Variants in PDE4D observed in about 807,000 individuals in gnomAD.
The protein encoded by PDE4D is 3',5'-cyclic-AMP phosphodiesterase 4D.
In PDE4D, 24 loss-of-function variants were observed where a neutral mutation model predicts 87.4. The observed-to-expected ratio is 0.27, with a 90% CI of 0.20 to 0.39. The LOEUF is 0.39. PDE4D is among the 10% of genes least tolerant of loss of function. The pLI is 1.00. For missense variants in PDE4D, 714 were observed against 1,041.0 expected, an observed-to-expected ratio of 0.69 and a Z score of 4.32; for synonymous variants, 384 against 383.2, an observed-to-expected ratio of 1.00 and a Z score of -0.02.
intron 1 of PDE4D, among the ~76,000 whole-genome samples, chr5:59,678,999 CTTTCTA>C (rs1054972531): frequency 1.1e-4 from 17 of 152,160 alleles, no homozygotes; most frequent in African/African-American, 3.6e-4. Context: ...CATTACCAAT[CTTTCTA>C]TTTCTAGTAA....
chr5:59,393,357 C>T (rs1218209663), intron 1 of PDE4D, among the ~76,000 whole-genome samples: 1 of 152,050 alleles, frequency 6.6e-6, no homozygotes, highest in Non-Finnish European at 1.5e-5. Flanking sequence ...ACATATAGAA[C>T]AAGGGGCAAA....
chr5:59,979,847 A>T (rs985896833), intron 3 of PDE4D, among the ~76,000 whole-genome samples: 1 of 152,068 alleles, frequency 6.6e-6, no homozygotes, highest in Non-Finnish European at 1.5e-5. Flanking sequence ...GTTGGGGGGA[A>T]GTGTGTTTAA....
intron 3 of PDE4D, among the ~76,000 whole-genome samples, chr5:59,959,728 A>C (rs1352161070): frequency 1.3e-5 from 2 of 152,194 alleles, no homozygotes; most frequent in Non-Finnish European, 2.9e-5. Flanking sequence ...GGGAGACCTC[A>C]AACTATAAAA....
chr5:58,989,738 T>C lies in PDE4D; in HGVS notation c.1452+17A>G. On this transcript the variant is annotated intron_variant, in intron 10 of 14. Coordinates refer to ENST00000340635, the MANE Select transcript of PDE4D (RefSeq NM_001104631.2). Reference sequence around the variant, plus strand: ...AGTGGCAAGTTAGTGTTCTTGAAATTTCAGAAACAGATTTACCTCCAAAGC... The same window carrying C: ...AGTGGCAAGTTAGTGTTCTTGAAATCTCAGAAACAGATTTACCTCCAAAGC... The C allele has an allele frequency of 6.4e-7, 1 of 1,563,760 alleles. No individual in the cohort carries two copies. The highest frequency in any genetic ancestry group is 8.7e-7 in the Non-Finnish European group (1 of 1,153,848).
intron 5 of PDE4D, among the ~76,000 whole-genome samples, chr5:59,124,586 T>C (rs1775090637): frequency 6.6e-6 from 1 of 152,226 alleles, no homozygotes; most frequent in African/African-American, 2.4e-5. Flanking sequence ...GATCTATCGC[T>C]ACCTGTCAAT....
At chr5:59,253,960 C>G (rs1490265634) in intron 1 of PDE4D, among the ~76,000 whole-genome samples, 1 of 152,068 alleles carries the variant, frequency 6.6e-6, no homozygotes, top group Non-Finnish European at 1.5e-5. Context: ...TTTAATAAGG[C>G]AAACTAATTT....
intron 2 of PDE4D, among the ~76,000 whole-genome samples, chr5:60,071,125 A>T (rs1163081504): frequency 6.6e-6 from 1 of 151,836 alleles, no homozygotes; most frequent in Admixed American, 6.6e-5. Context: ...TTTATAAAAA[A>T]CCAGTAAAAC....
At chr5:59,095,876 C>A (rs1373051302) in intron 5 of PDE4D, among the ~76,000 whole-genome samples, 1 of 152,146 alleles carries the variant, frequency 6.6e-6, no homozygotes, top group Non-Finnish European at 1.5e-5. Flanking sequence ...GGCTAAGCTG[C>A]TAAATAGGCT....
chr5:59,937,699 C>G (rs1320640712), intron 3 of PDE4D, among the ~76,000 whole-genome samples: 1 of 152,212 alleles, frequency 6.6e-6, no homozygotes, highest in Non-Finnish European at 1.5e-5. Context: ...CCTAAAGGCC[C>G]TCTCTCCTCA....
At chr5:59,959,070 A>T (rs1759177939) in intron 3 of PDE4D, among the ~76,000 whole-genome samples, 1 of 150,948 alleles carries the variant, frequency 6.6e-6, no homozygotes, top group African/African-American at 2.4e-5. Flanking sequence ...GACCTACATC[A>T]AGAACACAAT....
In PDE4D at chr5:59,185,268, A is replaced by G; in HGVS notation, c.685-6T>C. On this transcript the variant is annotated splice_polypyrimidine_tract_variant and splice_region_variant and intron_variant, in intron 3 of 14. Transcript: ENST00000340635. ...GTTCGCAGACTGGCCAAGACCTACA[A>G]CAAGAAAGGATTCTTGAAACTTCTT... 6.3e-7 allele frequency: 1 copy of G among 1,599,996 alleles called. No homozygotes were observed. Among genetic ancestry groups the G allele is most frequent in the Non-Finnish European group, 8.5e-7 (1 of 1,172,274 alleles).
chr5:59,077,800 C>T (rs754351748), intron 5 of PDE4D, among the ~76,000 whole-genome samples: 2 of 152,130 alleles, frequency 1.3e-5, no homozygotes, highest in Non-Finnish European at 2.9e-5. Context: ...CTTTCTCCCC[C>T]ACTCCAAGAC....
intron 6 of PDE4D, among the ~76,000 whole-genome samples, chr5:59,008,000 G>A (rs889574335): frequency 5.3e-5 from 8 of 151,998 alleles, no homozygotes; most frequent in Non-Finnish European, 1.0e-4. Context: ...CTTATTAGAT[G>A]TTAGCATAGT....
intron 6 of PDE4D, among the ~76,000 whole-genome samples, chr5:59,035,146 T>C (rs1758281872): frequency 6.6e-6 from 1 of 152,248 alleles, no homozygotes; most frequent in Non-Finnish European, 1.5e-5. Context: ...GAAACTATTC[T>C]GCTTAAAAGG....
intron 5 of PDE4D, among the ~76,000 whole-genome samples, chr5:59,141,968 G>T (rs1278114216): frequency 1.3e-5 from 2 of 152,174 alleles, no homozygotes; most frequent in Non-Finnish European, 2.9e-5. Flanking sequence ...TCTAAGGCCA[G>T]CTGTGACTTT....
At chr5:59,179,387 C>CCA (rs1462496612) in intron 5 of PDE4D, among the ~76,000 whole-genome samples, 2 of 152,178 alleles carry the variant, frequency 1.3e-5, no homozygotes, top group Non-Finnish European at 2.9e-5. Context: ...CAAGCGTGAG[C>CCA]CACCACTCCT....
At chr5:59,189,888 C>T (rs766945648) in intron 3 of PDE4D, among the ~76,000 whole-genome samples, 1 of 152,198 alleles carries the variant, frequency 6.6e-6, no homozygotes, top group Non-Finnish European at 1.5e-5. Flanking sequence ...TTAGGTTAAA[C>T]ACCAGCAAGA....
At chr5:60,041,943 G>C (rs1768557596) in intron 2 of PDE4D, among the ~76,000 whole-genome samples, 1 of 151,862 alleles carries the variant, frequency 6.6e-6, no homozygotes, top group African/African-American at 2.4e-5. Flanking sequence ...CACCTGGAAG[G>C]CCAGTGAGAC....
chr5:59,381,486 A>G (rs1474784106), intron 1 of PDE4D, among the ~76,000 whole-genome samples: 4 of 132,564 alleles, frequency 3.0e-5, no homozygotes, highest in Non-Finnish European at 6.6e-5. Context: ...AGAAACATAT[A>G]TCTTTTTTTG....
Sources: gnomAD v4.1 joint callset for allele counts (sites outside exome capture counted in the v4.1 genomes callset) on GRCh38, gnomAD v4.1.1 for gene constraint, MANE v1.5 for transcripts, NCBI Gene and HGNC (gene_info 2026-07-23, HGNC 2026-07-21) for gene names.